PLXDC2: variants seen among roughly 807,000 people sequenced by gnomAD.
PLXDC2 encodes plexin domain-containing protein 2.
In PLXDC2, 40 loss-of-function variants were observed where a neutral mutation model predicts 68.9. The observed-to-expected ratio is 0.58, with a 90% confidence interval of 0.45 to 0.76. The LOEUF (loss-of-function observed/expected upper bound fraction) is 0.76, where lower values mean the gene tolerates loss of function less well. PLXDC2 is among the 30% of genes least tolerant of loss of function. The pLI, the probability that PLXDC2 is intolerant of heterozygous loss-of-function variation, is 0.00. For missense variants in PLXDC2, 644 were observed against 661.9 expected (o/e 0.97, Z 0.30); for synonymous variants, 243 against 234.2 (o/e 1.04, Z -0.34).
chr10:20,060,300 G>T (rs1470700629), intron 3 of PLXDC2, among the ~76,000 whole-genome samples: 1 of 8,492 alleles, frequency 1.2e-4, no homozygotes, highest in Non-Finnish European at 3.1e-4. Context: ...GGGACTACAA[G>T]TGTGAGCCAC....
chr10:20,085,738 T>G (rs1319174471), intron 4 of PLXDC2, among the ~76,000 whole-genome samples: 1 of 152,210 alleles, frequency 6.6e-6, no homozygotes, highest in Non-Finnish European at 1.5e-5. Flanking sequence ...TGTCATTTTT[T>G]CAACACCTCC....
intron 2 of PLXDC2, among the ~76,000 whole-genome samples, chr10:20,032,745 A>G (rs1835519966): frequency 6.6e-6 from 1 of 151,934 alleles, no homozygotes; most frequent in African/African-American, 2.4e-5. Flanking sequence ...AAGCTACTCC[A>G]TATGTCTCAG....
chr10:20,150,727 G>A (rs1210465218), intron 6 of PLXDC2, among the ~76,000 whole-genome samples: 1 of 152,148 alleles, frequency 6.6e-6, no homozygotes, highest in East Asian at 1.9e-4. Flanking sequence ...AGAAATTTGT[G>A]TTCTTATTGT....
chr10:19,901,311 CT>C (rs1320023651), intron 1 of PLXDC2, among the ~76,000 whole-genome samples: 2 of 152,022 alleles, frequency 1.3e-5, no homozygotes, highest in Non-Finnish European at 2.9e-5. Flanking sequence ...AAAGTGTTCC[CT>C]TTTTACCACC....
chr10:20,230,715 C>A (rs373194247), intron 12 of PLXDC2, among the ~76,000 whole-genome samples: 4,629 of 45,282 alleles, frequency 0.1, 7 homozygotes, highest in Middle Eastern at 0.16. Context: ...AAAAAAAAAA[C>A]AGGAAAACAG....
At chr10:20,080,151 A>T (rs138729952) in intron 4 of PLXDC2, among the ~76,000 whole-genome samples, 18 of 152,328 alleles carry the variant, frequency 1.2e-4, no homozygotes, top group African/African-American at 2.9e-4. Flanking sequence ...TTTATTATAA[A>T]GCATTTGGGG....
intron 1 of PLXDC2, among the ~76,000 whole-genome samples, chr10:19,829,508 G>A (rs1055932542): frequency 6.6e-6 from 1 of 152,036 alleles, no homozygotes; most frequent in African/African-American, 2.4e-5. Flanking sequence ...AAGTATCAAC[G>A]ACAGGCCAGG....
intron 4 of PLXDC2, among the ~76,000 whole-genome samples, chr10:20,086,178 G>C (rs373642533): frequency 6.6e-6 from 1 of 151,780 alleles, no homozygotes; most frequent in Non-Finnish European, 1.5e-5. Flanking sequence ...GCTTGTTGAC[G>C]AGACAGGGTT....
At chr10:19,917,613 A>G (rs572614571) in intron 1 of PLXDC2, among the ~76,000 whole-genome samples, 4 of 152,304 alleles carry the variant, frequency 2.6e-5, no homozygotes, top group Non-Finnish European at 4.4e-5. Context: ...CTGAATTTCA[A>G]TAACTGTCCT....
chr10:19,851,516 A>G (rs1837117564), intron 1 of PLXDC2, among the ~76,000 whole-genome samples: 2 of 152,110 alleles, frequency 1.3e-5, no homozygotes, highest in Non-Finnish European at 2.9e-5. Flanking sequence ...GGTAACCCAC[A>G]CTTTCCTTCA....
intron 5 of PLXDC2, among the ~76,000 whole-genome samples, chr10:20,145,023 G>T (rs1834054176): frequency 6.6e-6 from 1 of 152,138 alleles, no homozygotes; most frequent in Non-Finnish European, 1.5e-5. Flanking sequence ...AACAAGGACT[G>T]TGGCTATAAG....
At chr10:20,016,483 T>C (rs1564657833) in intron 2 of PLXDC2, among the ~76,000 whole-genome samples, 1 of 152,206 alleles carries the variant, frequency 6.6e-6, no homozygotes, top group South Asian at 2.1e-4. Flanking sequence ...GCCACTGGGA[T>C]TCTTTGTCTA....
At chr10:19,887,872 A>C (rs2131357104) in intron 1 of PLXDC2, among the ~76,000 whole-genome samples, 1 of 152,324 alleles carries the variant, frequency 6.6e-6, no homozygotes, top group Non-Finnish European at 1.5e-5. Flanking sequence ...TACATAGACA[A>C]CTGTAGCAGG....
chr10:20,208,390 T>C (rs1284081627), intron 9 of PLXDC2, among the ~76,000 whole-genome samples: 2 of 152,064 alleles, frequency 1.3e-5, no homozygotes, highest in Non-Finnish European at 2.9e-5. Context: ...GTGAGACTTA[T>C]TTACTACCAT....
chr10:20,167,343 A>AGAGATTAGGATAACCC (rs1219105078), intron 7 of PLXDC2, among the ~76,000 whole-genome samples: 1 of 152,168 alleles, frequency 6.6e-6, no homozygotes, highest in Non-Finnish European at 1.5e-5. Context: ...TCTTTATGCC[A>AGAGATTAGGATAACCC]GAGATTAGGA....
At chr10:20,062,238 G>A (rs1017915218) in intron 3 of PLXDC2, among the ~76,000 whole-genome samples, 1 of 152,238 alleles carries the variant, frequency 6.6e-6, no homozygotes, top group African/African-American at 2.4e-5. Context: ...ATCCTGGCCA[G>A]CATGGTGAAA....
At chr10:20,219,587 T>C (rs149459518) in intron 12 of PLXDC2, among the ~76,000 whole-genome samples, 4 of 152,266 alleles carry the variant, frequency 2.6e-5, no homozygotes, top group African/African-American at 7.2e-5. Flanking sequence ...GTTGGTAACA[T>C]ACTTAAAGGT....
In PLXDC2 at chr10:20,053,409, C is replaced by T. The variant is rs186582619; in HGVS notation, c.471+6394C>T. Among the ~76,000 whole-genome samples, 82 of 152,186 alleles carry T rather than the reference C, an allele frequency of 5.4e-4. 1 individual carries two copies. Among genetic ancestry groups the T allele is most frequent in the Non-Finnish European group, 9.9e-4 (67 of 67,988 alleles). The stretch of plus-strand genomic sequence containing the variant: ...ATGGGTTCCTACCATAGGTAAGCAA[C>T]GAGGCAGGCACTTTATATTAAAATT... On this transcript the variant is annotated intron_variant, in intron 3 of 13. Transcript: ENST00000377252.
At chr10:19,880,772 C>G (rs1837712737) in intron 1 of PLXDC2, among the ~76,000 whole-genome samples, 2 of 152,124 alleles carry the variant, frequency 1.3e-5, no homozygotes, top group South Asian at 2.1e-4. Context: ...TTACATCATG[C>G]TGTTATTACC....
Sources: gnomAD v4.1 joint callset for allele counts (sites outside exome capture counted in the v4.1 genomes callset) on GRCh38, gnomAD v4.1.1 for gene constraint, MANE v1.5 for transcripts, NCBI Gene and HGNC (gene_info 2026-07-23, HGNC 2026-07-21) for gene names.